The following AUTS2 variants were observed in gnomAD, a reference collection of about 807,000 sequenced individuals.
AUTS2 encodes activator of transcription and developmental regulator AUTS2, also known as autism susceptibility gene 2 protein.
Under a neutral mutation model 112.4 loss-of-function variants are expected in AUTS2, and 17 were observed. The observed-to-expected ratio is 0.15, with a 90% CI of 0.10 to 0.23. The LOEUF (loss-of-function observed/expected upper bound fraction) is 0.23. Among genes scored for constraint, AUTS2 ranks in the 10% least tolerant of loss-of-function variants. The pLI, the probability that AUTS2 is intolerant of heterozygous loss-of-function variation, is 1.00. For missense variants in AUTS2, 1,510 were observed against 1,701.6 expected (o/e 0.89, Z 1.98); for synonymous variants, 751 against 702.7 (o/e 1.07, Z -1.09).
intron 4 of AUTS2, among the ~76,000 whole-genome samples, chr7:70,361,084 G>A (rs970681199): frequency 3.9e-5 from 6 of 152,152 alleles, no homozygotes; most frequent in South Asian, 2.1e-4. Flanking sequence ...GGTGGCTCAC[G>A]CGTGTAATCC....
intron 1 of AUTS2, among the ~76,000 whole-genome samples, chr7:69,732,461 G>T (rs1203601986): frequency 6.6e-6 from 1 of 152,078 alleles, no homozygotes; most frequent in Admixed American, 6.5e-5. Context: ...GCAAACAATG[G>T]AGTGCTGGCT....
chr7:69,743,350 A>G (rs1269925062), intron 1 of AUTS2, among the ~76,000 whole-genome samples: 1 of 152,160 alleles, frequency 6.6e-6, no homozygotes, highest in African/African-American at 2.4e-5. Flanking sequence ...TTCCTTCTGT[A>G]CCATATTGTT....
chr7:70,731,003 G>A (rs1412582859), intron 6 of AUTS2, among the ~76,000 whole-genome samples: 1 of 152,158 alleles, frequency 6.6e-6, no homozygotes, highest in Non-Finnish European at 1.5e-5. Flanking sequence ...TAATGATGTT[G>A]AGCATCTTTT....
At chr7:70,424,438 A>C (rs1459831930) in intron 4 of AUTS2, among the ~76,000 whole-genome samples, 1 of 152,192 alleles carries the variant, frequency 6.6e-6, no homozygotes, top group Non-Finnish European at 1.5e-5. Context: ...AAGAACATGA[A>C]CTTTGAAGGA....
intron 5 of AUTS2, among the ~76,000 whole-genome samples, chr7:70,494,009 A>G (rs902656432): frequency 1.3e-5 from 2 of 152,230 alleles, no homozygotes; most frequent in East Asian, 1.9e-4. Flanking sequence ...GTAAGGATTT[A>G]TGTTCAGCAA....
At chr7:70,232,338 T>C (rs982383080) in intron 4 of AUTS2, among the ~76,000 whole-genome samples, 5 of 152,192 alleles carry the variant, frequency 3.3e-5, no homozygotes, top group Admixed American at 3.3e-4. Context: ...TTTGTCTTTC[T>C]ATGAGCATAC....
chr7:70,496,186 C>CCA (rs1798488240), intron 5 of AUTS2, among the ~76,000 whole-genome samples: 3 of 118,298 alleles, frequency 2.5e-5, no homozygotes, highest in Admixed American at 8.5e-5. Flanking sequence ...CACACACACC[C>CCA]CACACATGCA....
intron 4 of AUTS2, among the ~76,000 whole-genome samples, chr7:70,154,865 G>A (rs1316854276): frequency 1.3e-5 from 2 of 152,070 alleles, no homozygotes; most frequent in Non-Finnish European, 2.9e-5. Flanking sequence ...TTCCCTTTTA[G>A]TATTGGAAGG....
At chr7:70,031,723 A>G (rs1190311207) in intron 2 of AUTS2, among the ~76,000 whole-genome samples, 2 of 152,162 alleles carry the variant, frequency 1.3e-5, no homozygotes, top group Non-Finnish European at 2.9e-5. Flanking sequence ...TTGCCTTCTA[A>G]TAAGAGCAGT....
intron 4 of AUTS2, among the ~76,000 whole-genome samples, chr7:70,354,971 T>C (rs1434389010): frequency 6.6e-6 from 1 of 151,920 alleles, no homozygotes; most frequent in Non-Finnish European, 1.5e-5. Context: ...TGTGTGTGTG[T>C]GTGTATGTAT....
At chr7:70,658,680 T>G (rs1012543345) in intron 5 of AUTS2, among the ~76,000 whole-genome samples, 1 of 152,188 alleles carries the variant, frequency 6.6e-6, no homozygotes, top group Non-Finnish European at 1.5e-5. Flanking sequence ...AACAGCCCAG[T>G]GTCTTGGAAA....
chr7:70,310,133 CTT>C (rs5884778), intron 4 of AUTS2, among the ~76,000 whole-genome samples: 36 of 139,710 alleles, frequency 2.6e-4, no homozygotes, highest in Non-Finnish European at 3.3e-4. Context: ...CAAACTAAAT[CTT>C]TTTTTTTTTT....
intron 5 of AUTS2, among the ~76,000 whole-genome samples, chr7:70,658,388 T>C (rs545790223): frequency 1.3e-5 from 2 of 152,330 alleles, no homozygotes; most frequent in African/African-American, 4.8e-5. Context: ...TGCCAGGTCT[T>C]TTCAGAGAAG....
chr7:70,742,036 T>G (rs1211166138), intron 6 of AUTS2, among the ~76,000 whole-genome samples: 1 of 152,230 alleles, frequency 6.6e-6, no homozygotes, highest in East Asian at 1.9e-4. Flanking sequence ...TACATTCACA[T>G]TAGAATAAAC....
At chr7:70,164,228 G>A (rs1808264227) in intron 4 of AUTS2, among the ~76,000 whole-genome samples, 3 of 152,170 alleles carry the variant, frequency 2.0e-5, no homozygotes, top group East Asian at 1.9e-4. Flanking sequence ...CTTGTAAGAT[G>A]TAGTTGTTAT....
chr7:70,774,157 G>C (rs1790539246), intron 12 of AUTS2, 58 bp downstream of exon 12: 1 of 1,529,476 alleles, frequency 6.5e-7, no homozygotes, highest in African/African-American at 1.4e-5. Flanking sequence ...GTTTGCACGG[G>C]ACGGCCAGCC....
chr7:69,687,751 C>T (rs996794808), intron 1 of AUTS2, among the ~76,000 whole-genome samples: 1 of 152,072 alleles, frequency 6.6e-6, no homozygotes, highest in East Asian at 1.9e-4. Context: ...GATACTCTTT[C>T]TTTTTAAATA....
chr7:70,411,879 A>G (rs1001445313), intron 4 of AUTS2, among the ~76,000 whole-genome samples: 2 of 150,502 alleles, frequency 1.3e-5, no homozygotes, highest in African/African-American at 4.9e-5. Context: ...AGGATTGTTG[A>G]TGAAGGAGTT....
intron 2 of AUTS2, among the ~76,000 whole-genome samples, chr7:70,096,470 C>T (rs916254921): frequency 4.6e-5 from 7 of 151,244 alleles, no homozygotes; most frequent in East Asian, 2.0e-4. Flanking sequence ...TGGTGGCGGG[C>T]GCCTGTAATC....
Sources: allele counts gnomAD v4.1 joint callset (sites outside exome capture counted in the v4.1 genomes callset), GRCh38; gene constraint gnomAD v4.1.1; transcripts MANE v1.5; gene names NCBI Gene and HGNC (gene_info 2026-07-23, HGNC 2026-07-21).